The following NKAIN2 variants were observed in gnomAD, a reference collection of about 807,000 sequenced individuals.
The protein encoded by NKAIN2 is sodium/potassium-transporting ATPase subunit beta-1-interacting protein 2.
In NKAIN2, 14 loss-of-function variants were observed where a neutral mutation model predicts 32.6. The observed-to-expected ratio is 0.43, with a 90% CI of 0.28 to 0.67. The LOEUF (loss-of-function observed/expected upper bound fraction) is 0.67. Among genes scored for constraint, NKAIN2 ranks in the 30% least tolerant of loss-of-function variants. The probability of loss-of-function intolerance (pLI) is 0.17; values close to 1 mark genes in which losing one functional copy is unlikely to be tolerated. For synonymous variants in NKAIN2, 80 were observed against 87.2 expected (o/e 0.92, Z 0.46); for missense variants, 198 against 258.3 (o/e 0.77, Z 1.60).
At chr6:124,621,025 A>G (rs1783086613) in intron 3 of NKAIN2, among the ~76,000 whole-genome samples, 1 of 152,178 alleles carries the variant, frequency 6.6e-6, no homozygotes, top group African/African-American at 2.4e-5. Context: ...AGTCCTAAAC[A>G]GTGATTCTCA....
intron 1 of NKAIN2, among the ~76,000 whole-genome samples, chr6:124,102,633 G>A (rs1784943304): frequency 6.6e-6 from 1 of 152,170 alleles, no homozygotes; most frequent in Non-Finnish European, 1.5e-5. Context: ...ATGTGGCTCT[G>A]TGCACAGGAC....
At chr6:123,854,107 T>C (rs758399268) in intron 1 of NKAIN2, among the ~76,000 whole-genome samples, 52 of 152,180 alleles carry the variant, frequency 3.4e-4, no homozygotes, top group Admixed American at 5.9e-4. Context: ...ATATTCCTCT[T>C]AGTACAAGGT....
chr6:123,866,197 A>G (rs1421627954), intron 1 of NKAIN2, among the ~76,000 whole-genome samples: 6 of 152,100 alleles, frequency 3.9e-5, no homozygotes, highest in African/African-American at 1.4e-4. Flanking sequence ...TACCTTTAAC[A>G]TCTCTTCTTG....
At chr6:124,298,360 T>G (rs1796152256) in intron 2 of NKAIN2, among the ~76,000 whole-genome samples, 1 of 152,148 alleles carries the variant, frequency 6.6e-6, no homozygotes, top group South Asian at 2.1e-4. Flanking sequence ...TCAACTTTCA[T>G]GGTTCAGCAG....
chr6:124,066,302 T>A (rs1783171962), intron 1 of NKAIN2, among the ~76,000 whole-genome samples: 1 of 152,210 alleles, frequency 6.6e-6, no homozygotes. Flanking sequence ...ACATTCATAT[T>A]TCTGTTTCCT....
At chr6:124,578,711 G>C (rs1411912801) in intron 3 of NKAIN2, among the ~76,000 whole-genome samples, 1 of 152,068 alleles carries the variant, frequency 6.6e-6, no homozygotes, top group Non-Finnish European at 1.5e-5. Context: ...GAACCCTAGG[G>C]CCTTGAGTGA....
At chr6:124,004,243 G>A (rs111297753) in intron 1 of NKAIN2, among the ~76,000 whole-genome samples, 88 of 152,106 alleles carry the variant, frequency 5.8e-4, no homozygotes, top group African/African-American at 2.0e-3. Context: ...TCTGTGGTAC[G>A]GTTCATTTGG....
At chr6:124,381,468 A>C (rs1354498211) in intron 3 of NKAIN2, among the ~76,000 whole-genome samples, 2 of 152,162 alleles carry the variant, frequency 1.3e-5, no homozygotes, top group Admixed American at 6.6e-5. Flanking sequence ...GCTTAGTAAG[A>C]ACCAATGTAT....
intron 2 of NKAIN2, among the ~76,000 whole-genome samples, chr6:124,292,263 G>C (rs1329446037): frequency 6.6e-6 from 1 of 152,008 alleles, no homozygotes; most frequent in African/African-American, 2.4e-5. Flanking sequence ...TAGCAGTCCA[G>C]CATTTTTTTG....
chr6:124,215,563 G>A (rs1342431659), intron 1 of NKAIN2, among the ~76,000 whole-genome samples: 1 of 152,120 alleles, frequency 6.6e-6, no homozygotes, highest in Non-Finnish European at 1.5e-5. Context: ...GACTGGAATA[G>A]CATTTGTTTT....
chr6:123,993,906 T>C (rs1779510571), intron 1 of NKAIN2, among the ~76,000 whole-genome samples: 1 of 152,192 alleles, frequency 6.6e-6, no homozygotes, highest in Admixed American at 6.5e-5. Flanking sequence ...ATCATGGCTG[T>C]GCTGTAAGCT....
At chr6:124,438,215 T>A (rs570384283) in intron 3 of NKAIN2, among the ~76,000 whole-genome samples, 1 of 152,224 alleles carries the variant, frequency 6.6e-6, no homozygotes, top group Non-Finnish European at 1.5e-5. Flanking sequence ...CTGCAATAAT[T>A]GTCTAAAAAT....
At chr6:124,027,924 C>T (rs934642364) in intron 1 of NKAIN2, among the ~76,000 whole-genome samples, 1 of 152,026 alleles carries the variant, frequency 6.6e-6, no homozygotes, top group Non-Finnish European at 1.5e-5. Flanking sequence ...GTGGAGGCCT[C>T]CCTAATAACT....
intron 1 of NKAIN2, among the ~76,000 whole-genome samples, chr6:123,890,794 A>G (rs977681796): frequency 3.9e-5 from 6 of 152,168 alleles, no homozygotes; most frequent in African/African-American, 1.4e-4. Context: ...ACAGTTAAAC[A>G]TAGAATTACC....
intron 3 of NKAIN2, among the ~76,000 whole-genome samples, chr6:124,555,376 C>T (rs553708050): frequency 1.3e-5 from 2 of 152,294 alleles, no homozygotes; most frequent in African/African-American, 2.4e-5. Context: ...AAGAAGTTGA[C>T]TTTATCCCCC....
intron 1 of NKAIN2, among the ~76,000 whole-genome samples, chr6:123,878,891 G>A (rs1773308612): frequency 6.6e-6 from 1 of 152,088 alleles, no homozygotes; most frequent in East Asian, 1.9e-4. Context: ...CTACTCAGAA[G>A]TTCACTCCAA....
chr6:124,815,125 T>C (rs1258956663), intron 5 of NKAIN2, among the ~76,000 whole-genome samples: 2 of 151,000 alleles, frequency 1.3e-5, no homozygotes, highest in African/African-American at 4.9e-5. Flanking sequence ...CTTAGAAAAC[T>C]AGTCCTTAAT....
At chr6:124,054,226 C>T (rs1243376193) in intron 1 of NKAIN2, among the ~76,000 whole-genome samples, 3 of 151,858 alleles carry the variant, frequency 2.0e-5, no homozygotes, top group Admixed American at 2.0e-4. Context: ...AGTAAGTTAC[C>T]AAGAGAACAA....
chr6:124,355,006 G>A (rs1182558873), intron 2 of NKAIN2, among the ~76,000 whole-genome samples: 1 of 150,408 alleles, frequency 6.6e-6, no homozygotes, highest in East Asian at 2.0e-4. Context: ...AAAGAAAGAG[G>A]TTACAGTGAG....
Sources: allele counts gnomAD v4.1 joint callset (sites outside exome capture counted in the v4.1 genomes callset), GRCh38; gene constraint gnomAD v4.1.1; transcripts MANE v1.5; gene names NCBI Gene and HGNC (gene_info 2026-07-23, HGNC 2026-07-21).